DGKI: variants seen among roughly 807,000 people sequenced by gnomAD.
DGKI encodes the protein diacylglycerol kinase iota, also known as DAG kinase iota.
A neutral mutation model predicts 147.5 loss-of-function variants in DGKI; 55 were observed. That is an observed-to-expected ratio of 0.37 (90% CI 0.30 to 0.47). The LOEUF is 0.47. Ranked by LOEUF, DGKI falls within the 20% of genes least tolerant of loss-of-function variation. The pLI, the probability that DGKI is intolerant of heterozygous loss-of-function variation, is 1.00. For synonymous variants in DGKI, 469 were observed against 477.1 expected, an observed-to-expected ratio of 0.98 and a Z score of 0.22; for missense variants, 1,007 against 1,323.8, an observed-to-expected ratio of 0.76 and a Z score of 3.71.
chr7:137,511,504 T>C (rs1393232860), intron 21 of DGKI, among the ~76,000 whole-genome samples: 2 of 152,226 alleles, frequency 1.3e-5, no homozygotes, highest in African/African-American at 4.8e-5. Flanking sequence ...GAATTTGGCA[T>C]AGCAGGGAAA....
intron 1 of DGKI, among the ~76,000 whole-genome samples, chr7:137,842,891 G>A (rs1251829548): frequency 6.6e-6 from 1 of 152,146 alleles, no homozygotes; most frequent in Non-Finnish European, 1.5e-5. Context: ...TATTACAGAT[G>A]AGGGGGAAGA....
intron 1 of DGKI, among the ~76,000 whole-genome samples, chr7:137,804,422 CAGAAG>C (rs2116973777): frequency 1.3e-5 from 2 of 152,354 alleles, no homozygotes; most frequent in Admixed American, 1.3e-4. Flanking sequence ...GTTCATTCGT[CAGAAG>C]AGAAGTCCTT....
chr7:137,596,398 G>A (rs936399439), intron 12 of DGKI, among the ~76,000 whole-genome samples: 2 of 152,134 alleles, frequency 1.3e-5, no homozygotes, highest in African/African-American at 2.4e-5. Context: ...GGATGCTTGA[G>A]TTAGGAAGAA....
At chr7:137,688,185 T>C (rs181704700) in intron 2 of DGKI, among the ~76,000 whole-genome samples, 269 of 152,332 alleles carry the variant, frequency 1.8e-3, no homozygotes, top group African/African-American at 6.2e-3. Context: ...TATTTTCGTG[T>C]TGATTTCCTT....
chr7:137,707,959 A>T (rs897139406), intron 1 of DGKI, among the ~76,000 whole-genome samples: 2 of 152,136 alleles, frequency 1.3e-5, no homozygotes, highest in African/African-American at 4.8e-5. Context: ...AATCTCCCCA[A>T]ATTGTGAGGA....
intron 1 of DGKI, among the ~76,000 whole-genome samples, chr7:137,737,204 C>CAAAAA (rs763572711): frequency 3.4e-4 from 28 of 83,436 alleles, no homozygotes; most frequent in African/African-American, 5.9e-4. Flanking sequence ...CTCATTTCAC[C>CAAAAA]AAAAAAAAAA....
At chr7:137,811,120 GC>G (rs1797554498) in intron 1 of DGKI, among the ~76,000 whole-genome samples, 1 of 152,144 alleles carries the variant, frequency 6.6e-6, no homozygotes, top group Non-Finnish European at 1.5e-5. Context: ...ATTGGAAGAT[GC>G]AGTGATAAAG....
chr7:137,465,608 T>G (rs1192977701), intron 26 of DGKI, among the ~76,000 whole-genome samples: 1 of 152,246 alleles, frequency 6.6e-6, no homozygotes, highest in Non-Finnish European at 1.5e-5. Flanking sequence ...CAATTTTTAA[T>G]GTAGATAACA....
chr7:137,474,229 C>G (rs570381730), intron 23 of DGKI, among the ~76,000 whole-genome samples: 1 of 152,116 alleles, frequency 6.6e-6, no homozygotes, highest in Non-Finnish European at 1.5e-5. Context: ...ACAAAAGCAT[C>G]AAGTCTCAAA....
chr7:137,401,757 C>T (rs748282183), intron 30 of DGKI, among the ~76,000 whole-genome samples: 1 of 152,142 alleles, frequency 6.6e-6, no homozygotes, highest in Non-Finnish European at 1.5e-5. Flanking sequence ...AATGTCCACC[C>T]TTCATCCTTT....
chr7:137,396,259 G>C (rs569030208), intron 31 of DGKI, among the ~76,000 whole-genome samples: 26 of 152,298 alleles, frequency 1.7e-4, no homozygotes, highest in African/African-American at 5.8e-4. Flanking sequence ...TGGAAGGAGG[G>C]GGCAGCCATA....
chr7:137,624,594 T>C (rs1043437791), intron 6 of DGKI, among the ~76,000 whole-genome samples: 3 of 151,856 alleles, frequency 2.0e-5, no homozygotes, highest in Admixed American at 2.0e-4. Context: ...CTTTTGAACC[T>C]CTCTCGTTTT....
At chr7:137,815,338 T>G (rs1372660951) in intron 1 of DGKI, among the ~76,000 whole-genome samples, 3 of 152,212 alleles carry the variant, frequency 2.0e-5, no homozygotes, top group Non-Finnish European at 4.4e-5. Context: ...TGGCCCAGCT[T>G]CTGCACAGGC....
At chr7:137,844,589 C>T (rs756737138) in intron 1 of DGKI, among the ~76,000 whole-genome samples, 1 of 152,124 alleles carries the variant, frequency 6.6e-6, no homozygotes, top group Non-Finnish European at 1.5e-5. Flanking sequence ...TAGAATCCAC[C>T]TCTATGTAAG....
intron 23 of DGKI, among the ~76,000 whole-genome samples, chr7:137,484,311 T>C (rs572889834): frequency 2.8e-4 from 43 of 152,202 alleles, no homozygotes; most frequent in Admixed American, 8.5e-4. Flanking sequence ...TGTTAAAGGA[T>C]GTTAAATTGG....
At chr7:137,555,408 C>T (rs993721341) in intron 19 of DGKI, among the ~76,000 whole-genome samples, 4 of 151,810 alleles carry the variant, frequency 2.6e-5, no homozygotes, top group African/African-American at 9.7e-5. Flanking sequence ...TGCCTGTAGT[C>T]CCAGCTAGTT....
intron 5 of DGKI, among the ~76,000 whole-genome samples, chr7:137,651,449 A>G (rs1822023153): frequency 6.6e-6 from 1 of 152,232 alleles, no homozygotes; most frequent in Non-Finnish European, 1.5e-5. Flanking sequence ...ATTAACAGCC[A>G]TCTCATTTCC....
intron 29 of DGKI, 137 bp downstream of exon 29, chr7:137,412,033 A>C: frequency 1.2e-6 from 1 of 814,638 alleles, no homozygotes; most frequent in East Asian, 2.7e-5. Flanking sequence ...TCTCAAAAGA[A>C]CATCCTGCCT....
At chr7:137,525,029 A>G (rs921253488) in intron 20 of DGKI, among the ~76,000 whole-genome samples, 4 of 152,018 alleles carry the variant, frequency 2.6e-5, no homozygotes, top group Non-Finnish European at 5.9e-5. Context: ...ATTCCAACCC[A>G]TGCACTGTTG....
Sources: allele counts gnomAD v4.1 joint callset (sites outside exome capture counted in the v4.1 genomes callset), GRCh38; gene constraint gnomAD v4.1.1; transcripts MANE v1.5; gene names NCBI Gene and HGNC (gene_info 2026-07-23, HGNC 2026-07-21).